PKHD1L1: variants seen among roughly 807,000 people sequenced by gnomAD.
The protein encoded by PKHD1L1 is fibrocystin-L.
Under a neutral mutation model 462.9 loss-of-function variants are expected in PKHD1L1, and 434 were observed. The observed-to-expected ratio is 0.94, with a 90% CI of 0.87 to 1.02. The LOEUF (loss-of-function observed/expected upper bound fraction) is 1.02, where lower values mean the gene tolerates loss of function less well. PKHD1L1 is among the 50% of genes least tolerant of loss of function. PKHD1L1 has a pLI of 0.00. For missense variants in PKHD1L1, 5,202 were observed against 5,096.1 expected (o/e 1.02, Z -0.63); for synonymous variants, 1,781 against 1,750.0 (o/e 1.02, Z -0.44).
intron 72 of PKHD1L1, among the ~76,000 whole-genome samples, chr8:109,517,213 G>C (rs534040364): frequency 2.0e-5 from 3 of 152,058 alleles, no homozygotes; most frequent in Non-Finnish European, 4.4e-5. Context: ...CTGAAACAGC[G>C]TTGCTTTTAA....
intron 30 of PKHD1L1, among the ~76,000 whole-genome samples, chr8:109,436,759 TGGAGAGAGGGTGTCAGAAACAG>T: frequency 6.6e-6 from 1 of 152,010 alleles, no homozygotes; most frequent in Non-Finnish European, 1.5e-5. Context: ...TAAAACACAG[TGGAGAGAGGGTGTCAGAAACAG>T]TTTCACAGAA....
At chr8:109,396,845 A>T (rs1478199628) in intron 11 of PKHD1L1, among the ~76,000 whole-genome samples, 1 of 152,246 alleles carries the variant, frequency 6.6e-6, no homozygotes, top group East Asian at 1.9e-4. Flanking sequence ...GCATTTCCAC[A>T]GTCCTCTTGC....
rs868433377 is a variant in PKHD1L1 at position 109,408,081 on chromosome 8, G to A, written c.1846G>A (p.Glu616Lys). The A allele has an allele frequency of 6.2e-7, 1 of 1,610,516 alleles. No individual in the cohort carries two copies. Among genetic ancestry groups the A allele is most frequent in the South Asian group, 1.1e-5 (1 of 90,446 alleles). ...DFDLLGYEVV[E>K]GNNVTLDITE... ...TGATCTGCTTGGTTATGAAGTAGTTGAAGGGAATAATGTCACACTGGATAT... is the reference window on the plus strand; with the variant it reads ...TGATCTGCTTGGTTATGAAGTAGTTAAAGGGAATAATGTCACACTGGATAT... The change falls in exon 18 of 78, where the codon GAA (glutamate) becomes AAA (lysine). Residue 616 changes from glutamate to lysine, a missense_variant. Coordinates refer to ENST00000378402, the MANE Select transcript of PKHD1L1 (RefSeq NM_177531.6).
chr8:109,485,268 A>C, intron 58 of PKHD1L1, 95 bp downstream of exon 58: 4 of 1,156,534 alleles, frequency 3.5e-6, no homozygotes, highest in Non-Finnish European at 4.7e-6. Context: ...ACATGTCACA[A>C]ATATGTTAAA....
At chr8:109,407,317 T>C (rs977104585) in intron 17 of PKHD1L1, among the ~76,000 whole-genome samples, 1 of 152,210 alleles carries the variant, frequency 6.6e-6, no homozygotes, top group African/African-American at 2.4e-5. Flanking sequence ...AAAGTTAGAT[T>C]GTCAAAATAC....
chr8:109,406,261 A>C, intron 16 of PKHD1L1, 74 bp from the exon 17 acceptor site: 1 of 1,379,584 alleles, frequency 7.2e-7, no homozygotes, highest in Non-Finnish European at 9.7e-7. Context: ...ACGAGACATC[A>C]GTGTTGGCTG....
chr8:109,446,953 G>A (rs953411078), intron 38 of PKHD1L1, among the ~76,000 whole-genome samples: 2 of 152,204 alleles, frequency 1.3e-5, no homozygotes, highest in Admixed American at 1.3e-4. Flanking sequence ...TCCAGGTGCG[G>A]TGGCTCACGC....
chr8:109,412,217 C>G (rs780466017), intron 19 of PKHD1L1, 48 bp from the exon 20 acceptor site: 1 of 1,600,254 alleles, frequency 6.2e-7, no homozygotes, highest in Non-Finnish European at 8.5e-7. Context: ...TGGGGGAAAA[C>G]CAGAACAATA....
In PKHD1L1 at chr8:109,450,972, T is replaced by A. The variant is rs1392405455; in HGVS notation, c.6176-3T>A. ...TGCATTCAGTCTGATCTTCCTTTCATAGGCACGGGAGCTGAGCAAGCCTGT... is the reference window on the plus strand; with the variant it reads ...TGCATTCAGTCTGATCTTCCTTTCAAAGGCACGGGAGCTGAGCAAGCCTGT... On this transcript the variant is annotated splice_region_variant and splice_polypyrimidine_tract_variant and intron_variant, in intron 40 of 77. Transcript: ENST00000378402. 2 of 1,589,162 alleles carry A rather than the reference T, an allele frequency of 1.3e-6. No homozygotes were observed. The highest frequency in any genetic ancestry group is 1.7e-6 in the Non-Finnish European group (2 of 1,161,940).
At chr8:109,428,069 T>C (rs1256830509) in intron 25 of PKHD1L1, among the ~76,000 whole-genome samples, 1 of 145,712 alleles carries the variant, frequency 6.9e-6, no homozygotes, top group African/African-American at 2.5e-5. Context: ...CTGGTGATGA[T>C]GAGAGTGCAA....
In PKHD1L1 at chr8:109,477,401, ATAGGCCTT is replaced by A; in HGVS notation, c.9089+7_9089+14del. The A allele has an allele frequency of 6.2e-7, 1 of 1,607,836 alleles. No homozygotes were observed. The highest frequency in any genetic ancestry group is 2.2e-5 in the East Asian group (1 of 44,814). On this transcript the variant is annotated splice_donor_region_variant and intron_variant, in intron 53 of 77. Transcript: ENST00000378402. ...GAAGCGACCAGCCACATATAAGTAC[ATAGGCCTT>A]TTGTAGTTGATACCCTTCAATATCT...
intron 70 of PKHD1L1, among the ~76,000 whole-genome samples, chr8:109,509,669 A>AT (rs1448847280): frequency 6.6e-6 from 1 of 151,658 alleles, no homozygotes; most frequent in Non-Finnish European, 1.5e-5. Context: ...TTGTCTCTAA[A>AT]TTTTTATGTT....
At chr8:109,406,231 G>C (rs1339670308) in intron 16 of PKHD1L1, 104 bp from the exon 17 acceptor site, 1 of 1,144,664 alleles carries the variant, frequency 8.7e-7, no homozygotes, top group East Asian at 2.6e-5. Flanking sequence ...ACAGAGTATA[G>C]GTGCTTTAAA....
chr8:109,524,936 A>T (rs1418438655), intron 76 of PKHD1L1, among the ~76,000 whole-genome samples: 4 of 147,438 alleles, frequency 2.7e-5, no homozygotes, highest in Non-Finnish European at 5.9e-5. Flanking sequence ...TCTTTTCTTC[A>T]TCAAGTGTGG....
intron 2 of PKHD1L1, among the ~76,000 whole-genome samples, chr8:109,368,910 C>T (rs1456418010): frequency 6.6e-6 from 1 of 152,110 alleles, no homozygotes. Flanking sequence ...CTCAGCCTTT[C>T]CTGTAATCTT....
Position 109,477,250 on chromosome 8 carries a change from G to A in PKHD1L1, c.8943G>A (p.Gln2981=). The change falls in exon 53 of 78, where the codon CAG becomes CAA. Residue 2981 remains glutamine, a synonymous_variant. Coordinates refer to ENST00000378402, the MANE Select transcript of PKHD1L1 (RefSeq NM_177531.6). The part of the protein sequence containing the change: ...YLVSGRNDLH[Q]SQLISGNLDP... The stretch of plus-strand genomic sequence containing the variant: ...TGTCAGGAAGAAATGACCTTCATCA[G>A]AGTCAGCTCATTTCTGGGAACCTGG... The A allele has an allele frequency of 1.2e-6, 2 of 1,613,150 alleles. No homozygotes were observed. Among genetic ancestry groups the A allele is most frequent in the Non-Finnish European group, 1.7e-6 (2 of 1,179,516 alleles).
At chr8:109,404,905 C>A (rs1813453620) in intron 15 of PKHD1L1, 90 bp from the exon 16 acceptor site, 11 of 1,086,230 alleles carry the variant, frequency 1.0e-5, no homozygotes, top group South Asian at 2.0e-5. Flanking sequence ...TAAAATAGAG[C>A]AATAAAGTGG....
intron 51 of PKHD1L1, 141 bp from the exon 52 acceptor site, chr8:109,476,367 G>T: frequency 3.6e-6 from 2 of 558,166 alleles, no homozygotes; most frequent in Non-Finnish European, 6.0e-6. Flanking sequence ...AAACAAAATA[G>T]AAATTCAAGA....
chr8:109,389,107 G>T lies in PKHD1L1; in HGVS notation c.652G>T (p.Gly218Ter), dbSNP rs574569681. 3.3e-4 allele frequency: 536 copies of T among 1,610,610 alleles called. 5 individuals carry two copies. The South Asian group carries it at 5.4e-3, about 16-fold the overall frequency. Residue 218 changes from glycine (G) to a stop codon, truncating the protein, a stop_gained, in exon 8 of 78, where the codon GGA becomes TGA. Coordinates refer to ENST00000378402, the MANE Select transcript of PKHD1L1 (RefSeq NM_177531.6). LOFTEE classifies it high-confidence loss of function. Reference protein sequence around the residue: ...LYGLKLDHPNGDMGSMVCKTT... With the variant: ...LYGLKLDHPN ...TGGTCTAAAACTGGATCATCCAAAT[G>T]GAGATATGGGTTCTATGGTTTGTAA...
Sources: allele counts gnomAD v4.1 joint callset (sites outside exome capture counted in the v4.1 genomes callset), GRCh38; gene constraint gnomAD v4.1.1; transcripts MANE v1.5; gene names NCBI Gene and HGNC (gene_info 2026-07-23, HGNC 2026-07-21).